The following PICK1 variants were observed in gnomAD, a reference collection of about 807,000 sequenced individuals.
PICK1 encodes PRKCA-binding protein.
PICK1 carries 23 observed loss-of-function variants against 48.9 expected under a neutral mutation model. That is an observed-to-expected ratio of 0.47 (90% CI 0.34 to 0.67). The LOEUF (loss-of-function observed/expected upper bound fraction) is 0.67. Among genes scored for constraint, PICK1 ranks in the 30% least tolerant of loss-of-function variants. The pLI is 0.01. For missense variants in PICK1, 423 were observed against 557.1 expected (o/e 0.76, Z 2.42); for synonymous variants, 217 against 228.2 (o/e 0.95, Z 0.44).
chr22:38,062,287 T>C (rs2085421863), intron 3 of PICK1, among the ~76,000 whole-genome samples: 3 of 150,534 alleles, frequency 2.0e-5, no homozygotes, highest in East Asian at 3.9e-4. Context: ...CTTGCTCTGT[T>C]GCCAGGCTGG....
Position 38,074,734 on chromosome 22 carries a change from G to A in PICK1, c.980-130G>A. The A allele has an allele frequency of 8.0e-7, 1 of 1,251,546 alleles. No homozygotes were observed. The highest frequency in any genetic ancestry group is 1.3e-5 in the South Asian group (1 of 74,326). 77.5% of individuals were successfully genotyped at this position (1,251,546 alleles called of 1,614,324 possible). A position where few individuals can be genotyped will look rare whatever the true frequency, so the allele number is the denominator to read the frequency against. ...GCCTCCGCCCCTTGCCAGGTCATGA[G>A]GGGTCAGGGAAGTGCCCGAGTGGGA... On this transcript the variant is annotated intron_variant, in intron 12 of 12. Transcript: ENST00000356976. The surrounding 1 kb of genome is among the most constrained non-coding windows in gnomAD (Gnocchi z 4.5).
intron 8 of PICK1, 111 bp from the exon 9 acceptor site, chr22:38,072,366 G>T: frequency 7.7e-7 from 1 of 1,298,938 alleles, no homozygotes; most frequent in Non-Finnish European, 1.1e-6. Context: ...CCCCTGTGCA[G>T]ACATTGGCTT....
intron 6 of PICK1, among the ~76,000 whole-genome samples, 176 bp downstream of exon 6, chr22:38,069,298 G>A (rs369175718): frequency 9.9e-5 from 15 of 152,280 alleles, no homozygotes; most frequent in East Asian, 9.6e-4. Context: ...TCCAGCTCCC[G>A]GAGGGTCCAC....
rs1049779036 is a variant in PICK1 at position 38,074,778 on chromosome 22, G to A, written c.980-86G>A. 6 of 1,542,894 alleles carry A rather than the reference G, an allele frequency of 3.9e-6. No homozygotes were observed. Among genetic ancestry groups the A allele is most frequent in the Admixed American group, 1.7e-5 (1 of 58,942 alleles). ...AGTGGGAAGCCCAGGGGAGGCGAGA[G>A]GTGGGCCGGGTGGGCTGGGAGAGTC... On this transcript the variant is annotated intron_variant, in intron 12 of 12. Transcript: ENST00000356976. The surrounding 1 kb of genome is among the most constrained non-coding windows in gnomAD (Gnocchi z 4.5).
rs1183355373 is a variant in PICK1, at chr22:38,073,141, G to C, written c.783+49G>C. On this transcript the variant is annotated intron_variant, in intron 10 of 12. Transcript: ENST00000356976. The surrounding 1 kb of genome is among the most constrained non-coding windows in gnomAD (Gnocchi z 5.7). ...TGCTAGGGCAAGCGCCCACCCTGGA[G>C]ATCTGCCCCACTTCAGTCAGCCATG... 8.3e-7 allele frequency: 1 copy of C among 1,202,566 alleles called. No homozygotes were observed. Among genetic ancestry groups the C allele is most frequent in the Admixed American group, 1.7e-5 (1 of 59,508 alleles). 74.5% of individuals were successfully genotyped at this position (1,202,566 alleles called of 1,614,324 possible).
In PICK1 at chr22:38,066,991, G is replaced by A. The variant is rs2085541024; in HGVS notation, c.283-713G>A. 6.6e-6 allele frequency among the ~76,000 whole-genome samples: 1 copy of A among 152,254 alleles called. No homozygotes were observed. Among genetic ancestry groups the A allele is most frequent in the Non-Finnish European group, 1.5e-5 (1 of 68,052 alleles). On this transcript the variant is annotated intron_variant, in intron 4 of 12. Transcript: ENST00000356976. This position sits in a 1 kb window ranked among gnomAD's most constrained non-coding sequence, Gnocchi z 4.1. Reference sequence around the variant, plus strand: ...GCACCAGGCACAGAGCAAGTGCTCAGATGTGCTGTTCGATGAGTAGAGGGA... The same window carrying A: ...GCACCAGGCACAGAGCAAGTGCTCAAATGTGCTGTTCGATGAGTAGAGGGA...
chr22:38,072,738 T>A, intron 9 of PICK1, 128 bp downstream of exon 9: 1 of 1,357,050 alleles, frequency 7.4e-7, no homozygotes, highest in Non-Finnish European at 1.0e-6. Flanking sequence ...ACCCACACAG[T>A]GGACTGTGGG....
In PICK1 at chr22:38,074,610, CGCGTGGGCTCCGTGG is replaced by C. The variant is rs906559202; in HGVS notation, c.979+162_979+176del. Among the ~76,000 whole-genome samples the C allele has an allele frequency of 6.6e-6, 1 of 152,232 alleles. No individual in the cohort carries two copies. The highest frequency in any genetic ancestry group is 2.4e-5 in the African/African-American group (1 of 41,454). ...CTGGCCTGGGTGGAGCTGGCCTGTG[CGCGTGGGCTCCGTGG>C]GCTGCCATCCATGATCCATTTACCC... On this transcript the variant is annotated intron_variant, in intron 12 of 12. Transcript: ENST00000356976. The surrounding 1 kb of genome is among the most constrained non-coding windows in gnomAD (Gnocchi z 4.5).
intron 8 of PICK1, 128 bp downstream of exon 8, chr22:38,071,872 G>C: frequency 1.2e-6 from 1 of 826,346 alleles, no homozygotes; most frequent in Non-Finnish European, 2.1e-6. Context: ...CTGGTCCCAG[G>C]TGCTGGGATT....
rs139925446 is a variant in PICK1, at chr22:38,072,060, A to C, written c.556+316A>C. ...GACTGCAGCTGACCCCAGCTACTGC[A>C]GAAAATGAAGCCCAGACAAAGGAGA... On this transcript the variant is annotated intron_variant, in intron 8 of 12. Coordinates refer to ENST00000356976, the MANE Select transcript of PICK1 (RefSeq NM_012407.4). 470 of 499,598 alleles carry C rather than the reference A, an allele frequency of 9.4e-4. 2 individuals carry two copies. The highest frequency in any genetic ancestry group is 8.6e-3 in the African/African-American group (443 of 51,762). 30.9% of individuals were successfully genotyped at this position (499,598 alleles called of 1,614,324 possible).
Position 38,065,088 on chromosome 22 carries a change from G to A in PICK1, c.240G>A (p.Gly80=). Residue 80 remains glycine, a synonymous_variant, in exon 4 of 13, where the codon GGG becomes GGA. Transcript: ENST00000356976. ...GTGTCAATGGCAGGTCAATCAAAGG[G>A]AAAACTAAGGTGGAGGTGGCGAAGA... ...ITGVNGRSIK[G]KTKVEVAKMI... 6.2e-7 allele frequency: 1 copy of A among 1,614,142 alleles called. No individual in the cohort carries two copies. Among genetic ancestry groups the A allele is most frequent in the Non-Finnish European group, 8.5e-7 (1 of 1,180,006 alleles).
In PICK1 at chr22:38,074,944, G is replaced by T. The variant is rs1339750116; in HGVS notation, c.1060G>T (p.Asp354Tyr). 2 of 1,613,786 alleles carry T rather than the reference G, an allele frequency of 1.2e-6. No homozygotes were observed. The highest frequency in any genetic ancestry group is 1.7e-5 in the Admixed American group (1 of 60,026). ...YYNDCYAVLR[D>Y]ADVFPIEVDL... The stretch of plus-strand genomic sequence containing the variant: ...CAACGACTGCTACGCAGTGCTGCGG[G>T]ATGCCGACGTCTTCCCCATCGAGGT... The change falls in exon 13 of 13, where the codon GAT becomes TAT. Residue 354 changes from aspartate to tyrosine, a missense_variant. Asp to Tyr is a radical substitution (Grantham distance 160). Coordinates refer to ENST00000356976, the MANE Select transcript of PICK1 (RefSeq NM_012407.4). The surrounding 1 kb of genome is among the most constrained non-coding windows in gnomAD (Gnocchi z 4.5).
chr22:38,058,449 G>C (rs1183421254), intron 2 of PICK1, among the ~76,000 whole-genome samples: 1 of 152,118 alleles, frequency 6.6e-6, no homozygotes, highest in Non-Finnish European at 1.5e-5. Context: ...GTGGGAGGTG[G>C]ACAGTTTAAT....
Position 38,074,213 on chromosome 22 carries a change from A to C in PICK1, c.835-94A>C. ...GAGAAACACTGAAGTCTCAGAAATG[A>C]GGTCTCAGGAATGAAGAACAGCCGT... On this transcript the variant is annotated intron_variant, in intron 11 of 12. Transcript: ENST00000356976. The surrounding 1 kb of genome is among the most constrained non-coding windows in gnomAD (Gnocchi z 4.5). 7.0e-7 allele frequency: 1 copy of C among 1,432,182 alleles called. No individual in the cohort carries two copies. The highest frequency in any genetic ancestry group is 9.8e-7 in the Non-Finnish European group (1 of 1,024,672). The allele number at this position is 1,432,182 out of a possible 1,614,324, so 88.7% of individuals were successfully genotyped here. A position where few individuals can be genotyped will look rare whatever the true frequency, so the allele number is the denominator to read the frequency against.
intron 3 of PICK1, among the ~76,000 whole-genome samples, chr22:38,061,444 A>G (rs1324631220): frequency 6.6e-6 from 1 of 152,174 alleles, no homozygotes; most frequent in African/African-American, 2.4e-5. Flanking sequence ...CAAGAGCATT[A>G]AAAGCCCTGT....
At chr22:38,057,625 T>C (rs2085302222) in intron 1 of PICK1, 38 bp downstream of exon 1, 2 of 544,384 alleles carry the variant, frequency 3.7e-6, no homozygotes, top group Non-Finnish European at 6.4e-6. Flanking sequence ...CCGGAGACTG[T>C]CCCATCCCAC....
chr22:38,060,679 C>T (rs1415419869), intron 3 of PICK1, among the ~76,000 whole-genome samples: 1 of 152,122 alleles, frequency 6.6e-6, no homozygotes, highest in Non-Finnish European at 1.5e-5. Context: ...CTCAGCCTCT[C>T]GCCACCTCCC....
chr22:38,068,122 A>G (rs2085577525), intron 5 of PICK1: 1 of 484,722 alleles, frequency 2.1e-6, no homozygotes, highest in Non-Finnish European at 4.2e-6. Context: ...ATAAAGGGAG[A>G]GCAGCCTAAC....
Position 38,073,209 on chromosome 22 carries a change from CCAGG to C in PICK1, c.783+118_783+121del. On this transcript the variant is annotated intron_variant, in intron 10 of 12. Transcript: ENST00000356976. This position sits in a 1 kb window ranked among gnomAD's most constrained non-coding sequence, Gnocchi z 5.7. Reference sequence around the variant, plus strand: ...AGCCAGAGCTGACAGCATGTCTGCTCCAGGTGTGGGCCCAGAGGCCCAGGGAGGT... The same window carrying C: ...AGCCAGAGCTGACAGCATGTCTGCTCTGTGGGCCCAGAGGCCCAGGGAGGT... The C allele has an allele frequency of 1.3e-6, 1 of 767,882 alleles. No individual in the cohort carries two copies. Among genetic ancestry groups the C allele is most frequent in the Non-Finnish European group, 2.3e-6 (1 of 427,950 alleles). The allele number at this position is 767,882 out of a possible 1,614,324, so 47.6% of individuals were successfully genotyped here.
Sources: gnomAD v4.1 joint callset for allele counts (sites outside exome capture counted in the v4.1 genomes callset) on GRCh38, gnomAD v4.1.1 for gene constraint, Gnocchi (gnomAD v3.1) non-coding constraint, MANE v1.5 for transcripts, NCBI Gene and HGNC (gene_info 2026-07-23, HGNC 2026-07-21) for gene names.